PROSER2: variants seen among roughly 807,000 people sequenced by gnomAD.
The protein encoded by PROSER2 is proline and serine rich 2.
In PROSER2, 18 loss-of-function variants were observed where a neutral mutation model predicts 14.6. That is an observed-to-expected ratio of 1.23 (90% CI 0.85 to 1.83). PROSER2 has a LOEUF of 1.83. PROSER2 is among the 40% of genes most tolerant of loss of function. The probability of loss-of-function intolerance (pLI) is 0.00; values close to 1 mark genes in which losing one functional copy is unlikely to be tolerated. For missense variants in PROSER2, 823 were observed against 629.8 expected (o/e 1.31, Z -3.28); for synonymous variants, 367 against 286.4 (o/e 1.28, Z -2.84).
At chr10:11,848,678 G>A (rs1035062489) in intron 1 of PROSER2, among the ~76,000 whole-genome samples, 2 of 152,140 alleles carry the variant, frequency 1.3e-5, no homozygotes, top group Non-Finnish European at 2.9e-5. Context: ...AATCAAAGCT[G>A]CTTTTACTGA....
chr10:11,852,846 G>T (rs972628507), intron 2 of PROSER2, among the ~76,000 whole-genome samples: 2 of 151,710 alleles, frequency 1.3e-5, no homozygotes, highest in African/African-American at 4.8e-5. Flanking sequence ...GATTATAGGC[G>T]TGAGCCACCG....
In PROSER2 at chr10:11,865,788, A is replaced by G. The variant is rs1834332213; in HGVS notation, c.139-743A>G. On this transcript the variant is annotated intron_variant, in intron 2 of 3. Coordinates refer to ENST00000277570, the MANE Select transcript of PROSER2 (RefSeq NM_153256.4). The surrounding 1 kb of genome is among the most constrained non-coding windows in gnomAD (Gnocchi z 4.2). ...TTCCTCTGTCACCTTTTTCGAGAGT[A>G]ACTGGCGAGTTTTGTGCCGGGATGA... 6.6e-6 allele frequency among the ~76,000 whole-genome samples: 1 copy of G among 152,212 alleles called. No homozygotes were observed. The highest frequency in any genetic ancestry group is 2.1e-4 in the South Asian group (1 of 4,826).
At chr10:11,827,193 A>AC (rs1833627348) in intron 1 of PROSER2, among the ~76,000 whole-genome samples, 1 of 147,698 alleles carries the variant, frequency 6.8e-6, no homozygotes, top group Non-Finnish European at 1.5e-5. Flanking sequence ...GCCTTCCTTT[A>AC]CAAAAAAAAA....
chr10:11,866,096 T>TA lies in PROSER2; in HGVS notation c.139-425dup, dbSNP rs959410296. ...TATTTTGTCATTGTGATTTGTGCCT[T>TA]AAAAAAAAAATCCCTTCGTTTTAGT... On this transcript the variant is annotated intron_variant, in intron 2 of 3. Coordinates refer to ENST00000277570, the MANE Select transcript of PROSER2 (RefSeq NM_153256.4). This position sits in a 1 kb window ranked among gnomAD's most constrained non-coding sequence, Gnocchi z 6.0. Among the ~76,000 whole-genome samples, 797 of 148,192 alleles carry TA rather than the reference T, an allele frequency of 5.4e-3. 10 individuals carry two copies. Among genetic ancestry groups the TA allele is most frequent in the African/African-American group, 0.018 (748 of 40,952 alleles).
At chr10:11,859,008 CAAAAAAAAAAAA>C (rs750181845) in intron 2 of PROSER2, among the ~76,000 whole-genome samples, 11 of 61,164 alleles carry the variant, frequency 1.8e-4, no homozygotes, top group African/African-American at 5.4e-4. Context: ...GACTCTGTCT[CAAAAAAAAAAAA>C]AAAAAAAAAA....
At chr10:11,841,229 C>A (rs1344778071) in intron 1 of PROSER2, among the ~76,000 whole-genome samples, 1 of 151,784 alleles carries the variant, frequency 6.6e-6, no homozygotes, top group African/African-American at 2.4e-5. Context: ...TTCATCCATG[C>A]TTTCAAATTT....
Position 11,869,821 on chromosome 10 carries a change from G to C in PROSER2, c.723G>C (p.Gly241=). Residue 241 remains glycine (G), a synonymous_variant, in exon 4 of 4, where the codon GGG becomes GGC. Coordinates refer to ENST00000277570, the MANE Select transcript of PROSER2 (RefSeq NM_153256.4). The surrounding 1 kb of genome is among the most constrained non-coding windows in gnomAD (Gnocchi z 4.4). The stretch of plus-strand genomic sequence containing the variant: ...CCCGCAGTGGAGACCCTGGCCCGGG[G>C]CCCAGCCACCCGGCGCAGCCCAAGG... ...RGPRSGDPGP[G]PSHPAQPKAP... is the part of the protein sequence containing the mutation. 1 of 1,568,074 alleles carries C rather than the reference G, an allele frequency of 6.4e-7. No homozygotes were observed. The highest frequency in any genetic ancestry group is 8.6e-7 in the Non-Finnish European group (1 of 1,160,364).
intron 1 of PROSER2, among the ~76,000 whole-genome samples, chr10:11,824,912 G>A (rs540692551): frequency 1.1e-4 from 16 of 152,284 alleles, no homozygotes; most frequent in Admixed American, 9.8e-4. Context: ...TGTGGTTGCC[G>A]GGGGTGGGGG....
At chr10:11,844,779 G>A (rs1833899919) in intron 1 of PROSER2, among the ~76,000 whole-genome samples, 1 of 152,158 alleles carries the variant, frequency 6.6e-6, no homozygotes, top group South Asian at 2.1e-4. Context: ...GAGCTACCAC[G>A]CCTGGCTAAT....
chr10:11,855,188 A>G (rs2131075748), intron 2 of PROSER2, among the ~76,000 whole-genome samples: 1 of 148,738 alleles, frequency 6.7e-6, no homozygotes, highest in African/African-American at 2.5e-5. Flanking sequence ...TTAAAAGAAG[A>G]TAAGGCCAGG....
In PROSER2 at chr10:11,852,058, G is replaced by C. The variant is rs1170963678; in HGVS notation, c.-20G>C. The C allele has an allele frequency of 6.3e-7, 1 of 1,594,528 alleles. No homozygotes were observed. The highest frequency in any genetic ancestry group is 1.7e-5 in the Admixed American group (1 of 57,862). On this transcript the variant is annotated 5_prime_UTR_variant, in exon 2 of 4. Transcript: ENST00000277570. ...TGCCCTGCTTCCTGTGATCGAGCCG[G>C]CCCTGAGGACTCTGTGGAGATGCCT... is the stretch of plus-strand genomic sequence containing the variant.
intron 1 of PROSER2, among the ~76,000 whole-genome samples, chr10:11,825,963 A>T (rs747274013): frequency 2.0e-5 from 3 of 152,188 alleles, no homozygotes; most frequent in Admixed American, 2.0e-4. Flanking sequence ...ATGTTATGCA[A>T]TCATCACCAC....
chr10:11,870,339 G>C lies in PROSER2; in HGVS notation c.1241G>C (p.Arg414Pro), dbSNP rs1306771682. 1 of 1,506,428 alleles carries C rather than the reference G, an allele frequency of 6.6e-7. No homozygotes were observed. Among genetic ancestry groups the C allele is most frequent in the Non-Finnish European group, 8.8e-7 (1 of 1,130,522 alleles). 93.3% of individuals were successfully genotyped at this position (1,506,428 alleles called of 1,614,324 possible). A position where few individuals can be genotyped will look rare whatever the true frequency, so the allele number is the denominator to read the frequency against. ...GGCATCACCGTGCAGTTCGCGGGCC[G>C]CGGCTCCTCGGAGGAGGCGCGCAGG... ...PQGITVQFAG[R>P]GSSEEARREA... The change falls in exon 4 of 4, where the codon CGC becomes CCC. Residue 414 changes from arginine to proline, a missense_variant. Arg to Pro is a moderately radical substitution (Grantham distance 103, BLOSUM62 -2). Transcript: ENST00000277570.
At chr10:11,835,647 T>G (rs1461719412) in intron 1 of PROSER2, among the ~76,000 whole-genome samples, 1 of 152,214 alleles carries the variant, frequency 6.6e-6, no homozygotes, top group Non-Finnish European at 1.5e-5. Context: ...CTCATTTTTG[T>G]TAATACACAA....
rs1307251662 is a variant in PROSER2, at chr10:11,871,416, T to C, written c.*1010T>C. On this transcript the variant is annotated 3_prime_UTR_variant, in exon 4 of 4. Transcript: ENST00000277570. ...TAAAGTAATATTCCCTGCTTCCAAGTAAGCAAGACTGTTCACTAAAGAAGG... is the reference window on the plus strand; with the variant it reads ...TAAAGTAATATTCCCTGCTTCCAAGCAAGCAAGACTGTTCACTAAAGAAGG... The C allele has an allele frequency of 1.3e-5, 2 of 152,228 alleles. No individual in the cohort carries two copies. Among genetic ancestry groups the C allele is most frequent in the African/African-American group, 4.8e-5 (2 of 41,448 alleles). The allele number at this position is 152,228 out of a possible 1,614,324, so 9.4% of individuals were successfully genotyped here. A position where few individuals can be genotyped will look rare whatever the true frequency, so the allele number is the denominator to read the frequency against.
In PROSER2 at chr10:11,870,628, T is replaced by C. The variant is rs1834468272; in HGVS notation, c.*222T>C. 1.1e-5 allele frequency: 5 copies of C among 460,134 alleles called. No individual in the cohort carries two copies. The allele number at this position is 460,134 out of a possible 1,614,324, so 28.5% of individuals were successfully genotyped here. On this transcript the variant is annotated 3_prime_UTR_variant, in exon 4 of 4. Transcript: ENST00000277570. ...CAGAGAACTCTTCCCTAAAGGAATCTGGCCGAGGGCTTGTCTCCCTTTTCC... is the reference window on the plus strand; with the variant it reads ...CAGAGAACTCTTCCCTAAAGGAATCCGGCCGAGGGCTTGTCTCCCTTTTCC...
intron 3 of PROSER2, among the ~76,000 whole-genome samples, chr10:11,867,667 G>A (rs969795416): frequency 2.6e-5 from 4 of 152,202 alleles, no homozygotes; most frequent in African/African-American, 9.6e-5. Context: ...CGTGGCAGGA[G>A]GTGGAGCTCG....
chr10:11,835,605 C>A (rs1833749504), intron 1 of PROSER2, among the ~76,000 whole-genome samples: 1 of 152,136 alleles, frequency 6.6e-6, no homozygotes, highest in Non-Finnish European at 1.5e-5. Flanking sequence ...TCATTCATTG[C>A]TTCCTTTTCC....
intron 1 of PROSER2, among the ~76,000 whole-genome samples, chr10:11,848,774 A>G (rs1450485387): frequency 6.6e-6 from 1 of 152,074 alleles, no homozygotes; most frequent in Non-Finnish European, 1.5e-5. Context: ...AGCTGAGTTC[A>G]CTGCTTTATC....
Sources: gnomAD v4.1 joint callset for allele counts (sites outside exome capture counted in the v4.1 genomes callset) on GRCh38, gnomAD v4.1.1 for gene constraint, Gnocchi (gnomAD v3.1) non-coding constraint, MANE v1.5 for transcripts, NCBI Gene and HGNC (gene_info 2026-07-23, HGNC 2026-07-21) for gene names.